Variants in RARB observed in about 807,000 individuals in gnomAD.
RARB encodes HBV-activated protein.
A neutral mutation model predicts 51.9 loss-of-function variants in RARB; 17 were observed. That is an observed-to-expected ratio of 0.33 (90% CI 0.22 to 0.49). The LOEUF (loss-of-function observed/expected upper bound fraction) is 0.49. Among genes scored for constraint, RARB ranks in the 20% least tolerant of loss-of-function variants. RARB has a pLI of 0.99. For missense variants in RARB, 369 were observed against 550.8 expected (o/e 0.67, Z 3.30); for synonymous variants, 215 against 195.4 (o/e 1.10, Z -0.84).
intron 5 of RARB, among the ~76,000 whole-genome samples, chr3:25,319,171 G>A (rs751128955): frequency 2.0e-5 from 3 of 152,054 alleles, no homozygotes; most frequent in Non-Finnish European, 1.5e-5. Context: ...TTTATCCTCC[G>A]AATAGTTGGG....
At chr3:25,375,344 G>C (rs183798086) in intron 5 of RARB, among the ~76,000 whole-genome samples, 1 of 152,224 alleles carries the variant, frequency 6.6e-6, no homozygotes, top group East Asian at 1.9e-4. Context: ...GAGGACAGTG[G>C]GTGTTGTAGG....
intron 5 of RARB, among the ~76,000 whole-genome samples, chr3:25,377,158 G>C (rs111908571): frequency 0.041 from 6,214 of 152,208 alleles, 135 homozygotes; most frequent in Middle Eastern, 0.065. Context: ...AGTAAATTGT[G>C]TTAATAACAG....
At chr3:25,557,417 C>T (rs367644547) in intron 3 of RARB, among the ~76,000 whole-genome samples, 25 of 152,160 alleles carry the variant, frequency 1.6e-4, no homozygotes, top group African/African-American at 3.6e-4. Flanking sequence ...AGGCTCTCTC[C>T]GCAGCCTATC....
At chr3:25,120,634 T>C (rs544288655) in intron 3 of RARB, among the ~76,000 whole-genome samples, 51 of 152,020 alleles carry the variant, frequency 3.4e-4, no homozygotes, top group African/African-American at 1.2e-3. Context: ...AAGTTATATA[T>C]TGTTAACTAA....
At chr3:25,203,183 C>T (rs1002231673) in intron 5 of RARB, among the ~76,000 whole-genome samples, 14 of 152,140 alleles carry the variant, frequency 9.2e-5, no homozygotes, top group Non-Finnish European at 2.1e-4. Flanking sequence ...TACCATTATG[C>T]AATGGCCTTC....
chr3:25,135,498 G>A (rs1437710215), intron 4 of RARB, among the ~76,000 whole-genome samples: 4 of 151,892 alleles, frequency 2.6e-5, no homozygotes, highest in South Asian at 2.1e-4. Flanking sequence ...AATAGACCAC[G>A]ATTATGCTAC....
intron 2 of RARB, among the ~76,000 whole-genome samples, chr3:25,493,015 C>T (rs1273339735): frequency 6.7e-6 from 1 of 149,764 alleles, no homozygotes; most frequent in East Asian, 2.0e-4. Flanking sequence ...AAATAAACAA[C>T]TCTCAGCTTT....
intron 5 of RARB, among the ~76,000 whole-genome samples, chr3:25,232,469 T>C (rs898112620): frequency 6.6e-6 from 1 of 152,108 alleles, no homozygotes; most frequent in African/African-American, 2.4e-5. Flanking sequence ...CTATGTATTA[T>C]ATATTAATAA....
chr3:24,911,182 C>T (rs1694982754), intron 2 of RARB, among the ~76,000 whole-genome samples: 1 of 152,166 alleles, frequency 6.6e-6, no homozygotes, highest in East Asian at 1.9e-4. Context: ...AAACCATCTT[C>T]TCTCTCGGAA....
chr3:25,392,014 A>T (rs903560582), intron 5 of RARB, among the ~76,000 whole-genome samples: 1 of 152,104 alleles, frequency 6.6e-6, no homozygotes, highest in Non-Finnish European at 1.5e-5. Context: ...TAGAATTTTT[A>T]TCGTTCCAGG....
At chr3:25,109,383 C>G (rs1699561901) in intron 3 of RARB, among the ~76,000 whole-genome samples, 1 of 151,920 alleles carries the variant, frequency 6.6e-6, no homozygotes, top group Non-Finnish European at 1.5e-5. Context: ...TTGGAACAAG[C>G]AGGGGCATTT....
chr3:25,542,475 C>T lies in RARB; in HGVS notation c.449-27283C>T, dbSNP rs116495263. Among the ~76,000 whole-genome samples, 1,345 of 152,204 alleles carry T rather than the reference C, an allele frequency of 8.8e-3. 14 individuals are homozygous for T. The highest frequency in any genetic ancestry group is 0.03 in the African/African-American group (1,234 of 41,502). On this transcript the variant is annotated intron_variant, in intron 3 of 7. Coordinates refer to ENST00000330688, the MANE Select transcript of RARB (RefSeq NM_000965.5). ...AGAGAAATAGATGCTAAGTACTGCT[C>T]CTCCCAATCAACCAAACTGTCTAGG...
At chr3:25,167,262 GGA>G (rs1454859946) in intron 4 of RARB, among the ~76,000 whole-genome samples, 3 of 152,156 alleles carry the variant, frequency 2.0e-5, no homozygotes, top group Admixed American at 2.0e-4. Flanking sequence ...GAAATATAAT[GGA>G]TTAAAAGACG....
intron 2 of RARB, among the ~76,000 whole-genome samples, chr3:24,912,159 G>C (rs1273473069): frequency 2.0e-5 from 3 of 152,120 alleles, no homozygotes; most frequent in African/African-American, 7.2e-5. Flanking sequence ...CTAGAAATTT[G>C]AGAATGAGGG....
intron 1 of RARB, among the ~76,000 whole-genome samples, chr3:25,432,806 T>C (rs1197932408): frequency 2.6e-5 from 4 of 152,180 alleles, no homozygotes; most frequent in African/African-American, 9.7e-5. Context: ...TTTATAATTT[T>C]TTAAATCAGT....
chr3:25,421,403 CTTTTTTTTTTT>C (rs766378555), intron 5 of RARB, among the ~76,000 whole-genome samples: 4 of 72,362 alleles, frequency 5.5e-5, no homozygotes, highest in African/African-American at 1.9e-4. Context: ...TTCTTCTTTT[CTTTTTTTTTTT>C]TTTTTTTTTT....
intron 2 of RARB, among the ~76,000 whole-genome samples, chr3:25,490,720 T>C (rs1361351292): frequency 6.6e-6 from 1 of 152,276 alleles, no homozygotes; most frequent in Non-Finnish European, 1.5e-5. Context: ...AATAAAATAA[T>C]TGAAAATTTA....
In RARB at chr3:25,205,355, C is replaced by G. The variant is rs139042169; in HGVS notation, c.178+30780C>G. On this transcript the variant is annotated intron_variant, in intron 5 of 11. Transcript: ENST00000383772. ...TTCCTTGGCTAGGAAAGGGAATTCCCTGACCCCTTGCACTTCCCGGGTGAG... is the reference window on the plus strand; with the variant it reads ...TTCCTTGGCTAGGAAAGGGAATTCCGTGACCCCTTGCACTTCCCGGGTGAG... Among the ~76,000 whole-genome samples the G allele has an allele frequency of 3.9e-3, 593 of 152,276 alleles. 10 individuals carry two copies. Among genetic ancestry groups the G allele is most frequent in the East Asian group, 0.03 (153 of 5,164 alleles).
chr3:25,543,828 A>G (rs537800089), intron 3 of RARB, among the ~76,000 whole-genome samples: 2 of 152,340 alleles, frequency 1.3e-5, no homozygotes, highest in South Asian at 2.1e-4. Flanking sequence ...ATGATCTTCA[A>G]TGAAGAGCAA....
Sources: gnomAD v4.1 joint callset for allele counts (sites outside exome capture counted in the v4.1 genomes callset) on GRCh38, gnomAD v4.1.1 for gene constraint, MANE v1.5 for transcripts, NCBI Gene and HGNC (gene_info 2026-07-23, HGNC 2026-07-21) for gene names.